DNAH7: variants seen among roughly 807,000 people sequenced by gnomAD.
DNAH7 encodes axonemal beta dynein heavy chain 7.
In DNAH7, 397 loss-of-function variants were observed where a neutral mutation model predicts 444.6. The ratio of observed to expected loss-of-function variants is 0.89; its 90% CI spans 0.82 to 0.97. DNAH7 has a LOEUF of 0.97. DNAH7 is among the 50% of genes least tolerant of loss of function. The pLI is 0.00. For missense variants in DNAH7, 4,902 were observed against 4,800.8 expected (o/e 1.02, Z -0.62); for synonymous variants, 1,636 against 1,624.4 (o/e 1.01, Z -0.17).
At chr2:195,753,281 A>G (rs547616756) in intron 63 of DNAH7, among the ~76,000 whole-genome samples, 26 of 152,236 alleles carry the variant, frequency 1.7e-4, no homozygotes, top group Middle Eastern at 6.8e-3. Flanking sequence ...CAAAGAGGGC[A>G]TAAGTGGTTG....
rs1255934661 is a variant in DNAH7 at position 195,840,015 on chromosome 2, C to T, written c.8945+4987G>A. ...AGACTTCCCAATTCCTTTTAGGAGG[C>T]CAGCATTACTCTGAAAGCAAAACCA... On this transcript the variant is annotated intron_variant, in intron 47 of 64. Coordinates refer to ENST00000312428, the MANE Select transcript of DNAH7 (RefSeq NM_018897.3). Among the ~76,000 whole-genome samples the T allele has an allele frequency of 2.0e-5, 3 of 151,804 alleles. No individual in the cohort carries two copies. The East Asian group carries it at 5.8e-4, about 29-fold the overall frequency.
intron 2 of DNAH7, 45 bp from the exon 3 acceptor site, chr2:196,051,294 T>C (rs1697451387): frequency 6.5e-7 from 1 of 1,528,714 alleles, no homozygotes; most frequent in South Asian, 1.1e-5. Context: ...ACTCTGTTAG[T>C]GCTAAAATTG....
At chr2:195,750,793 A>T (rs1281514131) in intron 63 of DNAH7, among the ~76,000 whole-genome samples, 1 of 152,216 alleles carries the variant, frequency 6.6e-6, no homozygotes, top group Non-Finnish European at 1.5e-5. Flanking sequence ...AGTGGTACAG[A>T]GCAGCCCCAC....
rs145689958 is a variant in DNAH7, at chr2:196,066,049, A to G, written c.15+2648T>C. Among the ~76,000 whole-genome samples, 58 of 152,302 alleles carry G rather than the reference A, an allele frequency of 3.8e-4. 1 individual carries two copies. The highest frequency in any genetic ancestry group is 3.4e-3 in the Middle Eastern group (1 of 294). The stretch of plus-strand genomic sequence containing the variant: ...CCTGACTAATATAATTTTACATTCT[A>G]AAATTAAAATTGCTAAGGAGTCTGG... On this transcript the variant is annotated intron_variant, in intron 1 of 64. Transcript: ENST00000312428.
At chr2:195,793,418 G>C (rs1486048790) in intron 57 of DNAH7, among the ~76,000 whole-genome samples, 1 of 152,136 alleles carries the variant, frequency 6.6e-6, no homozygotes, top group African/African-American at 2.4e-5. Context: ...GAGACCTTTT[G>C]ATCTAGAAGA....
intron 8 of DNAH7, among the ~76,000 whole-genome samples, chr2:196,019,912 C>G (rs1191218245): frequency 6.6e-6 from 1 of 152,024 alleles, no homozygotes; most frequent in East Asian, 1.9e-4. Context: ...ACCCACTCCC[C>G]GCACAGCAAG....
chr2:195,930,867 T>C (rs544207675), intron 21 of DNAH7, among the ~76,000 whole-genome samples: 1 of 152,146 alleles, frequency 6.6e-6, no homozygotes, highest in Non-Finnish European at 1.5e-5. Flanking sequence ...AATTATGTTC[T>C]TTGCAGCAAC....
intron 22 of DNAH7, among the ~76,000 whole-genome samples, chr2:195,925,837 A>T (rs574749213): frequency 6.6e-6 from 1 of 152,282 alleles, no homozygotes; most frequent in Non-Finnish European, 1.5e-5. Flanking sequence ...ATCCTATCTC[A>T]ATGATAGAAC....
At chr2:195,836,615 G>T (rs1482734267) in intron 47 of DNAH7, among the ~76,000 whole-genome samples, 1 of 151,716 alleles carries the variant, frequency 6.6e-6, no homozygotes, top group Non-Finnish European at 1.5e-5. Context: ...TGTAAGAAAA[G>T]ACATCAAAAG....
chr2:195,859,941 C>T (rs1267403259), intron 42 of DNAH7, among the ~76,000 whole-genome samples: 1 of 152,116 alleles, frequency 6.6e-6, no homozygotes, highest in East Asian at 1.9e-4. Context: ...TTCTAGGTTA[C>T]AGCACTACCT....
At chr2:195,764,104 ACAT>A (rs1209916951) in intron 61 of DNAH7, among the ~76,000 whole-genome samples, 1 of 152,130 alleles carries the variant, frequency 6.6e-6, no homozygotes, top group African/African-American at 2.4e-5. Flanking sequence ...TCAGTGTGAT[ACAT>A]CATATCAACA....
intron 21 of DNAH7, among the ~76,000 whole-genome samples, chr2:195,932,465 G>A (rs1196164995): frequency 1.3e-5 from 2 of 152,090 alleles, no homozygotes; most frequent in Non-Finnish European, 2.9e-5. Flanking sequence ...GAATAGGAGT[G>A]GTGAGAGACG....
At chr2:195,894,896 T>G in intron 30 of DNAH7, 80 bp downstream of exon 30, 1 of 1,276,972 alleles carries the variant, frequency 7.8e-7, no homozygotes, top group Non-Finnish European at 1.0e-6. Flanking sequence ...CCACATTGAA[T>G]GCATCTTTTA....
chr2:196,027,444 AGTT>A (rs1309584512), intron 6 of DNAH7, among the ~76,000 whole-genome samples: 4 of 152,002 alleles, frequency 2.6e-5, no homozygotes, highest in Admixed American at 2.0e-4. Flanking sequence ...TTTTAAAACA[AGTT>A]ATTATTTCTA....
intron 21 of DNAH7, among the ~76,000 whole-genome samples, chr2:195,931,986 G>A (rs138304623): frequency 3.9e-4 from 60 of 152,234 alleles, no homozygotes; most frequent in African/African-American, 1.4e-3. Flanking sequence ...TGATGGGGAT[G>A]GCATTGAATC....
At chr2:195,947,013 G>T (rs1048381784) in intron 19 of DNAH7, among the ~76,000 whole-genome samples, 1 of 151,516 alleles carries the variant, frequency 6.6e-6, no homozygotes, top group Non-Finnish European at 1.5e-5. Flanking sequence ...AGTATAGTTG[G>T]TAGCATGAAT....
intron 59 of DNAH7, among the ~76,000 whole-genome samples, chr2:195,777,565 G>C (rs560084237): frequency 1.3e-5 from 2 of 152,202 alleles, no homozygotes; most frequent in South Asian, 4.1e-4. Context: ...CAGAACTTCA[G>C]GTCACTGAAA....
intron 19 of DNAH7, among the ~76,000 whole-genome samples, chr2:195,940,944 C>T (rs1359005610): frequency 6.6e-6 from 1 of 152,032 alleles, no homozygotes; most frequent in Non-Finnish European, 1.5e-5. Flanking sequence ...TTAGTTCAAC[C>T]ATTGTGGAAG....
At chr2:195,763,999 C>T (rs1694461383) in intron 61 of DNAH7, among the ~76,000 whole-genome samples, 1 of 151,562 alleles carries the variant, frequency 6.6e-6, no homozygotes, top group Admixed American at 6.6e-5. Flanking sequence ...AAATCTTGAA[C>T]AAAATACTAG....
Sources: allele counts gnomAD v4.1 joint callset (sites outside exome capture counted in the v4.1 genomes callset), GRCh38; gene constraint gnomAD v4.1.1; transcripts MANE v1.5; gene names NCBI Gene and HGNC (gene_info 2026-07-23, HGNC 2026-07-21).